The following LIPJ variants were observed in gnomAD, a reference collection of about 807,000 sequenced individuals.
LIPJ encodes lipase member J.
In LIPJ, 33 loss-of-function variants were observed where a neutral mutation model predicts 39.8. The ratio of observed to expected loss-of-function variants is 0.83; its 90% CI spans 0.63 to 1.11. The LOEUF (loss-of-function observed/expected upper bound fraction) is 1.11, where lower values mean the gene tolerates loss of function less well. LIPJ is among the 50% of genes least tolerant of loss of function. The pLI, the probability that LIPJ is intolerant of heterozygous loss-of-function variation, is 0.00. For missense variants in LIPJ, 422 were observed against 427.9 expected, an observed-to-expected ratio of 0.99 and a Z score of 0.12; for synonymous variants, 128 against 139.2, an observed-to-expected ratio of 0.92 and a Z score of 0.57.
intron 6 of LIPJ, among the ~76,000 whole-genome samples, chr10:88,595,311 C>CTA (rs1851216861): frequency 6.6e-6 from 1 of 151,688 alleles, no homozygotes; most frequent in Admixed American, 6.6e-5. Flanking sequence ...AATAAATGAC[C>CTA]TATGACCTAA....
At chr10:88,583,471 A>G, upstream of LIPJ, 1 of 1,303,608 alleles carries the variant, frequency 7.7e-7, no homozygotes, top group Non-Finnish European at 9.8e-7. Context: ...CTCGCCCAGA[A>G]AAGCCTGGAA....
intron 8 of LIPJ, among the ~76,000 whole-genome samples, chr10:88,602,370 A>G (rs1424067475): frequency 6.6e-6 from 1 of 152,068 alleles, no homozygotes; most frequent in Non-Finnish European, 1.5e-5. Flanking sequence ...TAACTTAGAA[A>G]TTCAATAATA....
At chr10:88,616,129 GAAT>G in the LIPJ span, among the ~76,000 whole-genome samples, 2,742 of 152,288 alleles carry the variant, frequency 0.018, 63 homozygotes, top group South Asian at 0.084. Context: ...TACTCTTGTA[GAAT>G]AATGACAGTG....
chr10:88,582,931 G>T (rs573294569), upstream of LIPJ: 4 of 966,914 alleles, frequency 4.1e-6, no homozygotes, highest in South Asian at 2.1e-5. Flanking sequence ...GCCACTCGGC[G>T]CATGGGCCGC....
chr10:88,585,060 A>G (rs1819699568), upstream of LIPJ, among the ~76,000 whole-genome samples: 1 of 152,228 alleles, frequency 6.6e-6, no homozygotes, highest in Non-Finnish European at 1.5e-5. Context: ...TCTGAAATTA[A>G]AAGCTTAATG....
chr10:88,617,564 A>G, the LIPJ span, among the ~76,000 whole-genome samples: 4 of 152,200 alleles, frequency 2.6e-5, no homozygotes, highest in African/African-American at 7.2e-5. Flanking sequence ...AGAAGAGCTC[A>G]TTAGTGAAGA....
the LIPJ span, among the ~76,000 whole-genome samples, chr10:88,615,649 A>G: frequency 3.4e-5 from 5 of 147,380 alleles, no homozygotes; most frequent in Admixed American, 2.0e-4. Flanking sequence ...AAAAAAAAAA[A>G]AACAGAAAGA....
At chr10:88,613,700 A>G in the LIPJ span, among the ~76,000 whole-genome samples, 1 of 148,462 alleles carries the variant, frequency 6.7e-6, no homozygotes, top group Non-Finnish European at 1.5e-5. Flanking sequence ...GACTGGGGAT[A>G]GCATAAGGGA....
intron 2 of LIPJ, among the ~76,000 whole-genome samples, chr10:88,589,215 A>G (rs1851004527): frequency 6.6e-6 from 1 of 151,900 alleles, no homozygotes; most frequent in Non-Finnish European, 1.5e-5. Flanking sequence ...ATCAGTTAAT[A>G]CATTGTACAG....
exon 9 of LIPJ, chr10:88,602,590 G>A (rs1851531737): frequency 1.0e-5 from 11 of 1,064,980 alleles, no homozygotes; most frequent in Non-Finnish European, 1.5e-5. Flanking sequence ...GTTTGGATGT[G>A]TATTTTTCAC....
chr10:88,606,918 C>G (rs374638163), exon 11 of LIPJ: 2 of 1,473,986 alleles, frequency 1.4e-6, no homozygotes, highest in Admixed American at 2.3e-5. Flanking sequence ...AGAACCATGG[C>G]GCTGTGTGTT....
exon 9 of LIPJ, chr10:88,602,630 A>C (rs1161832397): frequency 1.3e-6 from 2 of 1,588,774 alleles, no homozygotes; most frequent in Admixed American, 1.7e-5. Context: ...TGTTCAAAAT[A>C]TGCTTCATTG....
downstream of LIPJ, among the ~76,000 whole-genome samples, chr10:88,608,185 G>T (rs541466460): frequency 6.6e-6 from 1 of 152,166 alleles, no homozygotes; most frequent in African/African-American, 2.4e-5. Context: ...CCTCAAAGTG[G>T]AACTGAGAAG....
exon 10 of LIPJ, chr10:88,605,680 T>G (rs376290904): frequency 1.2e-6 from 2 of 1,611,458 alleles, no homozygotes; most frequent in African/African-American, 2.7e-5. Context: ...GCAGTCCTGA[T>G]CTGAACTTGG....
At chr10:88,620,012 C>T in the LIPJ span, among the ~76,000 whole-genome samples, 1 of 151,960 alleles carries the variant, frequency 6.6e-6, no homozygotes, top group Admixed American at 6.5e-5. Context: ...TTAAAAGACC[C>T]CCAAACCTCA....
At chr10:88,596,508 C>G (rs961932779) in intron 7 of LIPJ, 92 bp downstream of exon 7, 3 of 1,328,108 alleles carry the variant, frequency 2.3e-6, no homozygotes, top group East Asian at 5.1e-5. Context: ...TAGACAACCA[C>G]AAGTATGGAT....
intron 6 of LIPJ, among the ~76,000 whole-genome samples, chr10:88,595,937 C>G (rs1851239184): frequency 6.6e-6 from 1 of 151,504 alleles, no homozygotes; most frequent in South Asian, 2.1e-4. Context: ...TAAGATTCAT[C>G]TGTCTGAAAA....
downstream of LIPJ, among the ~76,000 whole-genome samples, chr10:88,609,751 T>C (rs1851727842): frequency 1.3e-5 from 2 of 151,796 alleles, no homozygotes; most frequent in South Asian, 2.1e-4. Context: ...ATACAAAAAT[T>C]AGCTGGGCGT....
At chr10:88,614,325 G>T in the LIPJ span, among the ~76,000 whole-genome samples, 7 of 152,054 alleles carry the variant, frequency 4.6e-5, no homozygotes, top group Non-Finnish European at 8.8e-5. Flanking sequence ...AACAAAATTA[G>T]CCATGAATTG....
Sources: allele counts gnomAD v4.1 joint callset (sites outside exome capture counted in the v4.1 genomes callset), GRCh38; gene constraint gnomAD v4.1.1; transcripts MANE v1.5; gene names NCBI Gene and HGNC (gene_info 2026-07-23, HGNC 2026-07-21).